CLUL1: variants seen among roughly 807,000 people sequenced by gnomAD.
CLUL1 encodes clusterin-like protein 1.
CLUL1 carries 43 observed loss-of-function variants against 49.4 expected under a neutral mutation model. The ratio of observed to expected loss-of-function variants is 0.87; its 90% CI spans 0.68 to 1.12. CLUL1 has a LOEUF of 1.12. CLUL1 is among the 50% of genes most tolerant of loss of function. The pLI is 0.00. For synonymous variants in CLUL1, 192 were observed against 184.9 expected (o/e 1.04, Z -0.31); for missense variants, 486 against 544.4 (o/e 0.89, Z 1.07).
rs1458310498 is a variant in CLUL1, at chr18:618,360, AT to A, written c.106+261del. 6.6e-6 allele frequency among the ~76,000 whole-genome samples: 1 copy of A among 152,234 alleles called. No individual in the cohort carries two copies. Among genetic ancestry groups the A allele is most frequent in the East Asian group, 1.9e-4 (1 of 5,190 alleles). ...TACAACTTGCCAGTTTTTTCACTGC[AT>A]TTTTTTGTATCATCCAGATGGTTGG... is the stretch of plus-strand genomic sequence containing the variant. On this transcript the variant is annotated intron_variant, in intron 3 of 9. Coordinates refer to ENST00000692774, the MANE Select transcript of CLUL1 (RefSeq NM_001393344.1). The surrounding 1 kb of genome is among the most constrained non-coding windows in gnomAD (Gnocchi z 4.2).
chr18:649,768 A>G, intron 9 of CLUL1, 130 bp from the exon 10 acceptor site: 1 of 658,648 alleles, frequency 1.5e-6, no homozygotes, highest in South Asian at 1.9e-5. Context: ...ATACAGTACC[A>G]ATTTTTCCAA....
At chr18:645,444 A>G (rs1056003527) in intron 9 of CLUL1, among the ~76,000 whole-genome samples, 34 of 152,254 alleles carry the variant, frequency 2.2e-4, no homozygotes, top group Admixed American at 1.3e-3. Flanking sequence ...TAAGGAATAA[A>G]TCTAAATTTG....
chr18:601,660 T>A (rs1324169273), intron 1 of CLUL1, among the ~76,000 whole-genome samples: 3 of 118,768 alleles, frequency 2.5e-5, no homozygotes, highest in African/African-American at 9.5e-5. Context: ...AAAAAAAAAA[T>A]TAGCTGGATG....
intron 3 of CLUL1, 67 bp from the exon 4 acceptor site, chr18:619,146 G>C (rs1421319326): frequency 6.9e-7 from 1 of 1,445,694 alleles, no homozygotes; most frequent in East Asian, 2.3e-5. Flanking sequence ...AGACATGAAA[G>C]GTTGGTGAAC....
intron 1 of CLUL1, among the ~76,000 whole-genome samples, chr18:605,530 G>A (rs1542397): frequency 0.2 from 30,362 of 151,610 alleles, 4,021 homozygotes; most frequent in African/African-American, 0.37. Flanking sequence ...TGGGAAGTTA[G>A]GGTGGGAAAT....
intron 7 of CLUL1, among the ~76,000 whole-genome samples, chr18:639,813 G>A (rs1009635873): frequency 2.0e-5 from 3 of 151,766 alleles, no homozygotes; most frequent in Admixed American, 1.3e-4. Flanking sequence ...AAAAGAAATG[G>A]GCACATGTCA....
intron 2 of CLUL1, among the ~76,000 whole-genome samples, chr18:608,049 CATTAGTGACCATCAGGGA>C (rs1222273806): frequency 6.6e-6 from 1 of 152,188 alleles, no homozygotes; most frequent in Non-Finnish European, 1.5e-5. Flanking sequence ...ACCTAAAAAG[CATTAGTGACCATCAGGGA>C]ACCGTCAGAT....
At chr18:639,308 G>A (rs541872057) in intron 7 of CLUL1, among the ~76,000 whole-genome samples, 38 of 151,640 alleles carry the variant, frequency 2.5e-4, no homozygotes, top group African/African-American at 8.2e-4. Context: ...GCGCGTGCCT[G>A]TAATCCCAGC....
chr18:610,633 AC>A (rs2073107467), intron 2 of CLUL1, among the ~76,000 whole-genome samples: 1 of 152,144 alleles, frequency 6.6e-6, no homozygotes, highest in Admixed American at 6.5e-5. Context: ...GAAACATCTG[AC>A]GGAGGACAGA....
chr18:626,269 C>A (rs923762210), intron 5 of CLUL1, among the ~76,000 whole-genome samples: 8 of 152,046 alleles, frequency 5.3e-5, no homozygotes, highest in African/African-American at 1.9e-4. Flanking sequence ...CCCACCACCA[C>A]GCCTAGCTAA....
intron 2 of CLUL1, among the ~76,000 whole-genome samples, chr18:609,622 A>G (rs1253748839): frequency 1.3e-5 from 2 of 152,062 alleles, no homozygotes; most frequent in African/African-American, 2.4e-5. Context: ...TCAGGAGTTC[A>G]AAACCAGCCT....
intron 6 of CLUL1, among the ~76,000 whole-genome samples, chr18:630,356 A>G (rs2073957388): frequency 6.6e-6 from 1 of 152,088 alleles, no homozygotes; most frequent in Middle Eastern, 3.4e-3. Flanking sequence ...TGATCCGCCC[A>G]CCTCGGCCTC....
In CLUL1 at chr18:611,321, G is replaced by T. The variant is rs145589242; in HGVS notation, c.-14+4222G>T. On this transcript the variant is annotated intron_variant, in intron 2 of 9. Transcript: ENST00000692774. ...TATCCTTAAAGACCCTCTTTCTGTG[G>T]CAGATTGGGATGGATAAAATAAAGA... Among the ~76,000 whole-genome samples, 532 of 151,156 alleles carry T rather than the reference G, an allele frequency of 3.5e-3. 5 individuals carry two copies. Among genetic ancestry groups the T allele is most frequent in the African/African-American group, 0.012 (499 of 41,094 alleles).
intron 2 of CLUL1, among the ~76,000 whole-genome samples, chr18:614,328 AAGGGAGGG>A (rs1555631518): frequency 1.4e-5 from 1 of 69,122 alleles, no homozygotes; most frequent in African/African-American, 3.3e-5. Flanking sequence ...GGAGGGAAGG[AAGGGAGGG>A]AAGGAAGGAA....
In CLUL1 at chr18:607,941, GA is replaced by G. The variant is rs747004125; in HGVS notation, c.-14+850del. On this transcript the variant is annotated intron_variant, in intron 2 of 9. Coordinates refer to ENST00000692774, the MANE Select transcript of CLUL1 (RefSeq NM_001393344.1). ...GTAGTAATTAATTAGGATCTAGGGT[GA>G]AAAAAAAGTCAACAGCTATATATAG... Among the ~76,000 whole-genome samples, 48 of 151,816 alleles carry G rather than the reference GA, an allele frequency of 3.2e-4. 3 individuals carry two copies. Among genetic ancestry groups the G allele is most frequent in the Middle Eastern group, 6.8e-3 (2 of 294 alleles).
chr18:637,621 C>G (rs1189464960), intron 7 of CLUL1, among the ~76,000 whole-genome samples: 1 of 152,128 alleles, frequency 6.6e-6, no homozygotes, highest in Non-Finnish European at 1.5e-5. Flanking sequence ...AAGCGTTGCT[C>G]CAGGTAGCTC....
rs562519032 is a variant in CLUL1 at position 603,587 on chromosome 18, C to T, written c.-135-3391C>T. Among the ~76,000 whole-genome samples the T allele has an allele frequency of 1.2e-4, 18 of 152,190 alleles. No homozygotes were observed. The South Asian group carries it at 2.7e-3, about 23-fold the overall frequency. On this transcript the variant is annotated intron_variant, in intron 1 of 9. Coordinates refer to ENST00000692774, the MANE Select transcript of CLUL1 (RefSeq NM_001393344.1). ...ATCTTATGCAACTATATTATAATAT[C>T]GAAAACAATCAAGTGACATTGCTAC...
intron 6 of CLUL1, among the ~76,000 whole-genome samples, chr18:632,856 C>G (rs2074027651): frequency 6.6e-6 from 1 of 152,048 alleles, no homozygotes; most frequent in Non-Finnish European, 1.5e-5. Context: ...ATTTCTGTGT[C>G]TAAATATAGG....
At chr18:616,509 A>G (rs2073296923) in intron 2 of CLUL1, among the ~76,000 whole-genome samples, 1 of 152,262 alleles carries the variant, frequency 6.6e-6, no homozygotes, top group Non-Finnish European at 1.5e-5. Context: ...ACATTTGTAT[A>G]TAGGAAGGTA....
Sources: gnomAD v4.1 joint callset for allele counts (sites outside exome capture counted in the v4.1 genomes callset) on GRCh38, gnomAD v4.1.1 for gene constraint, Gnocchi (gnomAD v3.1) non-coding constraint, MANE v1.5 for transcripts, NCBI Gene and HGNC (gene_info 2026-07-23, HGNC 2026-07-21) for gene names.